KCNQ3: variants seen among roughly 807,000 people sequenced by gnomAD.
KCNQ3 encodes the protein potassium voltage-gated channel subfamily Q member 3, also known as potassium voltage-gated channel subfamily KQT member 3.
A neutral mutation model predicts 92.5 loss-of-function variants in KCNQ3; 30 were observed. The ratio of observed to expected loss-of-function variants is 0.32; its 90% confidence interval spans 0.24 to 0.44. The LOEUF is 0.44. Among genes scored for constraint, KCNQ3 ranks in the 20% least tolerant of loss-of-function variants. The pLI is 1.00. For synonymous variants in KCNQ3, 450 were observed against 468.8 expected, an observed-to-expected ratio of 0.96 and a Z score of 0.52; for missense variants, 913 against 1,140.3, an observed-to-expected ratio of 0.80 and a Z score of 2.87.
chr8:132,233,804 G>T (rs944221317), intron 1 of KCNQ3, among the ~76,000 whole-genome samples: 17 of 152,076 alleles, frequency 1.1e-4, no homozygotes, highest in African/African-American at 4.1e-4. Flanking sequence ...TTATATAATG[G>T]AATTAATCAC....
At chr8:132,216,654 T>C (rs1056840545) in intron 1 of KCNQ3, among the ~76,000 whole-genome samples, 2 of 151,846 alleles carry the variant, frequency 1.3e-5, no homozygotes, top group Non-Finnish European at 2.9e-5. Context: ...TTAACACACA[T>C]AGGAAAAGTG....
chr8:132,182,173 G>C (rs1162195527), intron 3 of KCNQ3, among the ~76,000 whole-genome samples: 3 of 152,098 alleles, frequency 2.0e-5, no homozygotes, highest in Non-Finnish European at 4.4e-5. Context: ...TCTGGATACT[G>C]ATACATCTGC....
At chr8:132,340,626 T>C (rs796746244) in intron 1 of KCNQ3, among the ~76,000 whole-genome samples, 9 of 151,894 alleles carry the variant, frequency 5.9e-5, no homozygotes, top group African/African-American at 1.7e-4. Flanking sequence ...TGGTGGGGGA[T>C]GGAGGCAAGG....
At chr8:132,273,475 G>A (rs1042825303) in intron 1 of KCNQ3, among the ~76,000 whole-genome samples, 1 of 152,174 alleles carries the variant, frequency 6.6e-6, no homozygotes, top group Non-Finnish European at 1.5e-5. Context: ...TTTCTTCCTA[G>A]GCCTCTGGGC....
intron 1 of KCNQ3, among the ~76,000 whole-genome samples, chr8:132,397,454 G>T (rs1292170513): frequency 6.6e-6 from 1 of 152,152 alleles, no homozygotes. Context: ...TGTGATGAGG[G>T]AATCAGAATA....
At chr8:132,317,567 C>G (rs1817778675) in intron 1 of KCNQ3, among the ~76,000 whole-genome samples, 1 of 152,094 alleles carries the variant, frequency 6.6e-6, no homozygotes, top group Non-Finnish European at 1.5e-5. Flanking sequence ...GTGTCCAGTC[C>G]CACGTTGAGA....
intron 6 of KCNQ3, among the ~76,000 whole-genome samples, chr8:132,173,028 T>C (rs1313238204): frequency 1.3e-5 from 2 of 152,196 alleles, no homozygotes; most frequent in Non-Finnish European, 2.9e-5. Context: ...TAATGCATGA[T>C]TAGAAAAAAG....
chr8:132,467,916 C>A (rs563579983), intron 1 of KCNQ3, among the ~76,000 whole-genome samples: 1 of 152,140 alleles, frequency 6.6e-6, no homozygotes, highest in Non-Finnish European at 1.5e-5. Flanking sequence ...CCGCCTTGCA[C>A]GAAGACTTGG....
chr8:132,468,871 C>T (rs898382643), intron 1 of KCNQ3, among the ~76,000 whole-genome samples: 1 of 152,206 alleles, frequency 6.6e-6, no homozygotes, highest in African/African-American at 2.4e-5. Context: ...TAAGTTCTCA[C>T]TCTTACTTAG....
intron 1 of KCNQ3, among the ~76,000 whole-genome samples, chr8:132,335,255 G>A (rs1005475941): frequency 1.7e-4 from 26 of 152,146 alleles, no homozygotes; most frequent in African/African-American, 5.8e-4. Context: ...TGGCCAGCCT[G>A]GTCTCAATCT....
chr8:132,414,798 T>C (rs535024151), intron 1 of KCNQ3, among the ~76,000 whole-genome samples: 2 of 152,328 alleles, frequency 1.3e-5, no homozygotes, highest in South Asian at 2.1e-4. Flanking sequence ...ACCCACCTCA[T>C]TTCACAAGGA....
intron 1 of KCNQ3, among the ~76,000 whole-genome samples, chr8:132,382,773 G>GCATA (rs1819788133): frequency 6.6e-6 from 1 of 152,082 alleles, no homozygotes; most frequent in African/African-American, 2.4e-5. Flanking sequence ...GGTGTCACGG[G>GCATA]CATACCATCC....
chr8:132,285,604 C>T (rs1816657192), intron 1 of KCNQ3, among the ~76,000 whole-genome samples: 1 of 152,226 alleles, frequency 6.6e-6, no homozygotes, highest in South Asian at 2.1e-4. Flanking sequence ...GAAAAATCCA[C>T]AGCCTGAGCA....
intron 1 of KCNQ3, among the ~76,000 whole-genome samples, chr8:132,465,399 A>G (rs1264335638): frequency 4.0e-5 from 6 of 150,392 alleles, no homozygotes; most frequent in African/African-American, 1.2e-4. Flanking sequence ...CAACATAGTG[A>G]GACCCCGCCT....
chr8:132,341,418 C>T (rs1251749315), intron 1 of KCNQ3, among the ~76,000 whole-genome samples: 1 of 152,224 alleles, frequency 6.6e-6, no homozygotes, highest in East Asian at 1.9e-4. Context: ...CTCTTCACTT[C>T]TGAGCTCTTC....
At chr8:132,355,459 T>C (rs1209844968) in intron 1 of KCNQ3, among the ~76,000 whole-genome samples, 1 of 152,032 alleles carries the variant, frequency 6.6e-6, no homozygotes, top group Non-Finnish European at 1.5e-5. Context: ...TCACTCTCTG[T>C]CACAGTGATT....
intron 1 of KCNQ3, among the ~76,000 whole-genome samples, chr8:132,433,746 T>C (rs1821312791): frequency 6.6e-6 from 1 of 151,828 alleles, no homozygotes; most frequent in Non-Finnish European, 1.5e-5. Context: ...CAAAATTAGC[T>C]GGATGTGGTG....
intron 8 of KCNQ3, among the ~76,000 whole-genome samples, chr8:132,168,310 G>A (rs1488541214): frequency 6.6e-6 from 1 of 152,294 alleles, no homozygotes; most frequent in East Asian, 1.9e-4. Context: ...TTCCTGAAAA[G>A]TAGATCTACT....
At chr8:132,423,573 T>A (rs1415997930) in intron 1 of KCNQ3, among the ~76,000 whole-genome samples, 1 of 152,178 alleles carries the variant, frequency 6.6e-6, no homozygotes, top group Non-Finnish European at 1.5e-5. Flanking sequence ...TAGCATGAGG[T>A]CACTAACAGC....
Sources: gnomAD v4.1 joint callset for allele counts (sites outside exome capture counted in the v4.1 genomes callset) on GRCh38, gnomAD v4.1.1 for gene constraint, MANE v1.5 for transcripts, NCBI Gene and HGNC (gene_info 2026-07-23, HGNC 2026-07-21) for gene names.